RAPGEF4: variants seen among roughly 807,000 people sequenced by gnomAD.
RAPGEF4 encodes RAP guanine-nucleotide-exchange factor (GEF) 4.
RAPGEF4 carries 66 observed loss-of-function variants against 147.9 expected under a neutral mutation model. The observed-to-expected ratio is 0.45, with a 90% confidence interval of 0.37 to 0.55. The LOEUF is 0.55. RAPGEF4 is among the 20% of genes least tolerant of loss of function. The pLI is 0.00. For missense variants in RAPGEF4, 1,071 were observed against 1,257.3 expected (o/e 0.85, Z 2.24); for synonymous variants, 419 against 442.7 (o/e 0.95, Z 0.67).
At chr2:172,751,379 G>A (rs1023364267) in intron 1 of RAPGEF4, among the ~76,000 whole-genome samples, 4 of 152,178 alleles carry the variant, frequency 2.6e-5, no homozygotes, top group African/African-American at 9.7e-5. Context: ...GGGGTACCTA[G>A]TATGTGCCAG....
At chr2:172,882,016 A>G (rs1249431893) in intron 4 of RAPGEF4, among the ~76,000 whole-genome samples, 1 of 152,216 alleles carries the variant, frequency 6.6e-6, no homozygotes, top group African/African-American at 2.4e-5. Flanking sequence ...TTTTAGACAT[A>G]CAGATGGGAA....
At chr2:172,905,772 AG>A in intron 4 of RAPGEF4, among the ~76,000 whole-genome samples, 1 of 152,368 alleles carries the variant, frequency 6.6e-6, no homozygotes, top group Non-Finnish European at 1.5e-5. Flanking sequence ...GCTTCCACGT[AG>A]AAATGTCTAT....
chr2:172,796,991 CA>C (rs1411955280), intron 2 of RAPGEF4, among the ~76,000 whole-genome samples: 1 of 152,136 alleles, frequency 6.6e-6, no homozygotes, highest in African/African-American at 2.4e-5. Context: ...CTGAGAGGGA[CA>C]AACTTAGAGC....
rs151044503 is a variant in RAPGEF4 at position 172,897,977 on chromosome 2, C to T, written c.445-19825C>T. Among the ~76,000 whole-genome samples the T allele has an allele frequency of 3.6e-3, 542 of 152,094 alleles. 5 individuals carry two copies. The highest frequency in any genetic ancestry group is 0.011 in the African/African-American group (458 of 41,476). On this transcript the variant is annotated intron_variant, in intron 4 of 30. Coordinates refer to ENST00000397081, the MANE Select transcript of RAPGEF4 (RefSeq NM_007023.4). ...AGAAGTTCCCTGGTGACTGGGCTGGCGGAGGAGAGACTGTGTAATTTCACA... is the reference window on the plus strand; with the variant it reads ...AGAAGTTCCCTGGTGACTGGGCTGGTGGAGGAGAGACTGTGTAATTTCACA...
At chr2:172,758,183 G>A (rs1695956797) in intron 1 of RAPGEF4, among the ~76,000 whole-genome samples, 1 of 152,104 alleles carries the variant, frequency 6.6e-6, no homozygotes, top group Non-Finnish European at 1.5e-5. Context: ...AGAATTCCTG[G>A]CAATGGGAAC....
intron 4 of RAPGEF4, among the ~76,000 whole-genome samples, chr2:172,888,288 T>G (rs4972866): frequency 0.97 from 147,527 of 152,332 alleles, 71,601 homozygotes; most frequent in East Asian, 1. Context: ...GGGGAAAAAA[T>G]CCGAGGCTGA....
At chr2:172,889,743 T>A in intron 4 of RAPGEF4, 1 of 748,954 alleles carries the variant, frequency 1.3e-6, no homozygotes, top group Non-Finnish European at 1.6e-6. Context: ...TACTTTCAAA[T>A]GTCAATCAGC....
chr2:172,921,066 A>G lies in RAPGEF4; in HGVS notation c.518-1215A>G, dbSNP rs1684703766. Among the ~76,000 whole-genome samples the G allele has an allele frequency of 2.0e-5, 3 of 151,256 alleles. No homozygotes were observed. In the South Asian group the frequency reaches 6.3e-4, roughly 32 times the overall value. Reference sequence around the variant, plus strand: ...CCTCACCCCTCCTGCATTCTGTACTACTGCCTACTAGGATGAGCACTCAGG... The same window carrying G: ...CCTCACCCCTCCTGCATTCTGTACTGCTGCCTACTAGGATGAGCACTCAGG... On this transcript the variant is annotated intron_variant, in intron 5 of 30. Transcript: ENST00000397081.
chr2:172,967,380 G>A lies in RAPGEF4; in HGVS notation c.940G>A (p.Asp314Asn). The change falls in exon 10 of 31, where the codon GAC becomes AAC. Residue 314 changes from aspartate (D) to asparagine (N), a missense_variant. Physicochemically the swap from Asp to Asn is conservative, Grantham distance 23. Transcript: ENST00000397081. ...EKKECDEELQ[D>N]TMLLLSQMGP... is the part of the protein sequence containing the mutation. ...GAAGGAGTGTGATGAGGAGCTCCAG[G>A]ACACCATGCTGCTGCTGTCACAGAT... 1 of 1,612,000 alleles carries A rather than the reference G, an allele frequency of 6.2e-7. No homozygotes were observed.
intron 4 of RAPGEF4, among the ~76,000 whole-genome samples, chr2:172,861,129 T>G (rs1320414786): frequency 6.6e-6 from 1 of 152,214 alleles, no homozygotes; most frequent in African/African-American, 2.4e-5. Context: ...AGAACAGGGC[T>G]TAAAGCGCCT....
At chr2:172,808,619 T>C (rs574609093) in intron 3 of RAPGEF4, among the ~76,000 whole-genome samples, 2 of 152,388 alleles carry the variant, frequency 1.3e-5, no homozygotes, top group African/African-American at 2.4e-5. Context: ...TCACCTGTTA[T>C]GTGCCAGAAA....
In RAPGEF4 at chr2:172,837,169, C is replaced by T. The variant is rs548170810; in HGVS notation, c.444+22744C>T. On this transcript the variant is annotated intron_variant, in intron 4 of 30. Coordinates refer to ENST00000397081, the MANE Select transcript of RAPGEF4 (RefSeq NM_007023.4). ...CATTTTGCTGAATCCTAACTATGGG[C>T]TTTTGAGGCAATTATAAACATAAAA... is the stretch of plus-strand genomic sequence containing the variant. Among the ~76,000 whole-genome samples, 8 of 152,184 alleles carry T rather than the reference C, an allele frequency of 5.3e-5. No homozygotes were observed. The East Asian group carries it at 1.5e-3, about 29-fold the overall frequency.
At chr2:172,886,301 A>G (rs971654244) in intron 4 of RAPGEF4, among the ~76,000 whole-genome samples, 1 of 152,196 alleles carries the variant, frequency 6.6e-6, no homozygotes, top group African/African-American at 2.4e-5. Context: ...GGCTGCTTTC[A>G]TGATATAACC....
intron 4 of RAPGEF4, chr2:172,889,922 G>T: frequency 1.2e-5 from 8 of 647,476 alleles, no homozygotes; most frequent in Non-Finnish European, 1.5e-5. Flanking sequence ...ATCTACCAGC[G>T]TCTGGGAATG....
chr2:173,046,189 C>T (rs1022026399), intron 29 of RAPGEF4, among the ~76,000 whole-genome samples: 3 of 152,014 alleles, frequency 2.0e-5, no homozygotes, highest in Admixed American at 6.6e-5. Context: ...AAAAAGGATA[C>T]GTCAAAATTA....
intron 6 of RAPGEF4, among the ~76,000 whole-genome samples, chr2:172,957,710 C>T (rs952379273): frequency 2.6e-5 from 4 of 152,200 alleles, no homozygotes; most frequent in African/African-American, 7.2e-5. Flanking sequence ...TGCCCCTAAA[C>T]CTAAAATCTT....
At chr2:172,964,183 CTG>C (rs1689589502) in intron 8 of RAPGEF4, among the ~76,000 whole-genome samples, 1 of 152,092 alleles carries the variant, frequency 6.6e-6, no homozygotes, top group Non-Finnish European at 1.5e-5. Context: ...AAGTAGGTGA[CTG>C]TGCCCACTGA....
At chr2:172,794,355 A>AG (rs1686149074) in intron 1 of RAPGEF4, among the ~76,000 whole-genome samples, 1 of 150,988 alleles carries the variant, frequency 6.6e-6, no homozygotes. Context: ...CTCAAAAAAA[A>AG]AAAAAAAAAA....
intron 4 of RAPGEF4, among the ~76,000 whole-genome samples, chr2:172,874,790 A>G (rs1394588330): frequency 6.6e-6 from 1 of 152,162 alleles, no homozygotes; most frequent in African/African-American, 2.4e-5. Context: ...GTCAAATGGT[A>G]TTTCTAGTTC....
Sources: allele counts gnomAD v4.1 joint callset (sites outside exome capture counted in the v4.1 genomes callset), GRCh38; gene constraint gnomAD v4.1.1; transcripts MANE v1.5; gene names NCBI Gene and HGNC (gene_info 2026-07-23, HGNC 2026-07-21).